Variants in FSTL4 observed in about 807,000 individuals in gnomAD.
FSTL4 encodes follistatin-related protein 4.
FSTL4 carries 28 observed loss-of-function variants against 78.2 expected under a neutral mutation model. The observed-to-expected ratio is 0.36, with a 90% CI of 0.27 to 0.49. The LOEUF is 0.49. Ranked by LOEUF, FSTL4 falls within the 20% of genes least tolerant of loss-of-function variation. The pLI, the probability that FSTL4 is intolerant of heterozygous loss-of-function variation, is 0.98. For missense variants in FSTL4, 922 were observed against 1,084.9 expected, an observed-to-expected ratio of 0.85 and a Z score of 2.11; for synonymous variants, 422 against 440.5, an observed-to-expected ratio of 0.96 and a Z score of 0.53.
At chr5:133,597,735 A>G (rs1222982689) in intron 2 of FSTL4, among the ~76,000 whole-genome samples, 1 of 152,178 alleles carries the variant, frequency 6.6e-6, no homozygotes, top group African/African-American at 2.4e-5. Flanking sequence ...TCCCTGTTCA[A>G]GGATAAAGAG....
Position 133,225,019 on chromosome 5 carries a change from G to T in FSTL4, c.1312+131C>A. 1.2e-5 allele frequency: 12 copies of T among 1,025,792 alleles called. No individual in the cohort carries two copies. The highest frequency in any genetic ancestry group is 2.4e-5 in the East Asian group (1 of 41,456). The allele number at this position is 1,025,792 out of a possible 1,614,324, so 63.5% of individuals were successfully genotyped here. A position where few individuals can be genotyped will look rare whatever the true frequency, so the allele number is the denominator to read the frequency against. On this transcript the variant is annotated intron_variant, in intron 10 of 15. Coordinates refer to ENST00000265342, the MANE Select transcript of FSTL4 (RefSeq NM_015082.2). This position sits in a 1 kb window ranked among gnomAD's most constrained non-coding sequence, Gnocchi z 4.6. ...TCCAATTCCAGCTTTATGCAAAGAG[G>T]GATATGAGGCTTACCCCTGTCTTCA... is the stretch of plus-strand genomic sequence containing the variant.
intron 6 of FSTL4, among the ~76,000 whole-genome samples, chr5:133,301,212 C>T: frequency 6.6e-6 from 1 of 152,186 alleles, no homozygotes; most frequent in East Asian, 1.9e-4. Flanking sequence ...AGAGTCGTGG[C>T]TGGAGCAGAA....
intron 6 of FSTL4, among the ~76,000 whole-genome samples, chr5:133,275,027 C>T (rs549793491): frequency 2.0e-5 from 3 of 152,028 alleles, no homozygotes; most frequent in South Asian, 2.1e-4. Context: ...TTTGGGAGGC[C>T]GAGGCGGGTG....
intron 2 of FSTL4, among the ~76,000 whole-genome samples, chr5:133,592,330 T>G (rs1351409116): frequency 1.3e-5 from 2 of 152,208 alleles, no homozygotes; most frequent in African/African-American, 4.8e-5. Flanking sequence ...AATCCCACGG[T>G]GAGATATCAG....
At chr5:133,579,593 G>A (rs1760358172) in intron 2 of FSTL4, among the ~76,000 whole-genome samples, 1 of 152,160 alleles carries the variant, frequency 6.6e-6, no homozygotes, top group South Asian at 2.1e-4. Flanking sequence ...AAAGGGGGAA[G>A]GAGTTCATGT....
intron 3 of FSTL4, among the ~76,000 whole-genome samples, chr5:133,425,641 G>C (rs1188194985): frequency 6.6e-6 from 1 of 152,142 alleles, no homozygotes; most frequent in African/African-American, 2.4e-5. Flanking sequence ...TAGCCCTTCT[G>C]GGTTCCTCTC....
At chr5:133,749,956 G>A in the FSTL4 span, among the ~76,000 whole-genome samples, 1 of 152,200 alleles carries the variant, frequency 6.6e-6, no homozygotes, top group African/African-American at 2.4e-5. Flanking sequence ...TCCTTCTTAA[G>A]TTAAATGTGT....
intron 6 of FSTL4, among the ~76,000 whole-genome samples, chr5:133,252,587 A>G (rs1348857124): frequency 6.6e-6 from 1 of 151,268 alleles, no homozygotes; most frequent in Non-Finnish European, 1.5e-5. Context: ...GGCTCTGGGT[A>G]CATAGAGAGG....
chr5:133,294,074 G>A (rs1343391926), intron 6 of FSTL4, among the ~76,000 whole-genome samples: 2 of 152,084 alleles, frequency 1.3e-5, no homozygotes, highest in African/African-American at 2.4e-5. Flanking sequence ...AAATCCCATC[G>A]TGCCCTCCTT....
the FSTL4 span, among the ~76,000 whole-genome samples, chr5:133,762,330 G>C: frequency 5.0e-4 from 76 of 152,236 alleles, no homozygotes; most frequent in African/African-American, 1.7e-3. Context: ...GCCCAGCACA[G>C]GTCAGCTTGT....
the FSTL4 span, among the ~76,000 whole-genome samples, chr5:133,702,100 G>A: frequency 2.6e-5 from 4 of 152,172 alleles, no homozygotes; most frequent in African/African-American, 9.7e-5. Context: ...TGTCCCTAAG[G>A]AACACATTTT....
intron 6 of FSTL4, among the ~76,000 whole-genome samples, chr5:133,253,479 C>T (rs111237121): frequency 1.3e-5 from 2 of 152,210 alleles, no homozygotes; most frequent in African/African-American, 4.8e-5. Flanking sequence ...CCCCTGGAGA[C>T]CCCCTGAGTC....
intron 6 of FSTL4, among the ~76,000 whole-genome samples, chr5:133,285,750 T>C (rs923435025): frequency 6.6e-6 from 1 of 152,212 alleles, no homozygotes; most frequent in African/African-American, 2.4e-5. Flanking sequence ...TGAGGTCCAA[T>C]GGCTCCTTCG....
intron 3 of FSTL4, among the ~76,000 whole-genome samples, chr5:133,417,380 C>T (rs913692674): frequency 2.6e-5 from 4 of 151,906 alleles, no homozygotes; most frequent in Admixed American, 1.3e-4. Flanking sequence ...CATTAGAGAA[C>T]TGTGGGACAA....
intron 3 of FSTL4, among the ~76,000 whole-genome samples, chr5:133,438,950 C>A (rs1465031843): frequency 6.6e-6 from 1 of 152,196 alleles, no homozygotes; most frequent in Non-Finnish European, 1.5e-5. Flanking sequence ...CCTCACGCGC[C>A]TTTGATTCCT....
chr5:133,754,982 T>C, the FSTL4 span, among the ~76,000 whole-genome samples: 9 of 152,018 alleles, frequency 5.9e-5, no homozygotes, highest in Non-Finnish European at 1.0e-4. Flanking sequence ...TTCCCACCCT[T>C]CCTTCAAGAC....
intron 2 of FSTL4, among the ~76,000 whole-genome samples, chr5:133,578,588 T>C (rs1370320688): frequency 6.6e-6 from 1 of 152,210 alleles, no homozygotes. Flanking sequence ...AGCAAAAGGA[T>C]AGGTGCCCAT....
chr5:133,216,954 C>T (rs527998657), intron 13 of FSTL4, among the ~76,000 whole-genome samples: 117 of 152,254 alleles, frequency 7.7e-4, no homozygotes, highest in African/African-American at 2.6e-3. Context: ...TGCTTGGAAC[C>T]TGGTTTTTCA....
At chr5:133,594,955 C>A (rs1760710901) in intron 2 of FSTL4, among the ~76,000 whole-genome samples, 2 of 152,244 alleles carry the variant, frequency 1.3e-5, no homozygotes, top group Admixed American at 1.3e-4. Context: ...CTGCTCCTTT[C>A]TGCCCTCTGT....
Sources: gnomAD v4.1 joint callset for allele counts (sites outside exome capture counted in the v4.1 genomes callset) on GRCh38, gnomAD v4.1.1 for gene constraint, Gnocchi (gnomAD v3.1) non-coding constraint, MANE v1.5 for transcripts, NCBI Gene and HGNC (gene_info 2026-07-23, HGNC 2026-07-21) for gene names.